KIF26B: variants seen among roughly 807,000 people sequenced by gnomAD.
The protein encoded by KIF26B is kinesin-like protein KIF26B.
A neutral mutation model predicts 151.2 loss-of-function variants in KIF26B; 63 were observed. That is an observed-to-expected ratio of 0.42 (90% CI 0.34 to 0.51). The LOEUF (loss-of-function observed/expected upper bound fraction) is 0.51, where lower values mean the gene tolerates loss of function less well. Ranked by LOEUF, KIF26B falls within the 20% of genes least tolerant of loss-of-function variation. KIF26B has a pLI of 0.07. For synonymous variants in KIF26B, 1,357 were observed against 1,262.1 expected, an observed-to-expected ratio of 1.08 and a Z score of -1.59; for missense variants, 2,813 against 2,913.6, an observed-to-expected ratio of 0.97 and a Z score of 0.79.
chr1:245,490,601 G>A (rs941502927), intron 4 of KIF26B, among the ~76,000 whole-genome samples: 6 of 152,182 alleles, frequency 3.9e-5, no homozygotes, highest in South Asian at 2.1e-4. Flanking sequence ...GTGAGCCACC[G>A]CACCTGGCCT....
rs1315822901 is a variant in KIF26B at position 245,646,017 on chromosome 1, T to G, written c.2099-104T>G. The G allele has an allele frequency of 5.6e-6, 7 of 1,242,318 alleles. No individual in the cohort carries two copies. The African/African-American group carries it at 1.0e-4, about 19-fold the overall frequency. The allele number at this position is 1,242,318 out of a possible 1,614,324, so 77.0% of individuals were successfully genotyped here. ...AGGTCATGAACGTCAACCTTTTACT[T>G]CCCCTTCTCATTTTGCCTCAGATTT... On this transcript the variant is annotated intron_variant, in intron 9 of 14. Coordinates refer to ENST00000407071, the MANE Select transcript of KIF26B (RefSeq NM_018012.4).
rs754378679 is a variant in KIF26B, at chr1:245,688,785, C to G, written c.5802C>G (p.Thr1934=). 15 of 1,588,744 alleles carry G rather than the reference C, an allele frequency of 9.4e-6. No homozygotes were observed. The highest frequency in any genetic ancestry group is 1.3e-5 in the Non-Finnish European group (15 of 1,164,922). ...GCGGCAGGTGCCGGAGCCTCAAGAC[C>G]CCGAAGAAACGCTCCAATCCAGGTA... ...SVGGRCRSLK[T]PKKRSNPGSQ... is the part of the protein sequence containing the mutation. The change falls in exon 12 of 15, where the codon ACC becomes ACG. Residue 1934 remains threonine (T), a synonymous_variant. Transcript: ENST00000407071.
chr1:245,433,647 G>T (rs1658834752), intron 4 of KIF26B, among the ~76,000 whole-genome samples: 1 of 152,160 alleles, frequency 6.6e-6, no homozygotes, highest in East Asian at 1.9e-4. Flanking sequence ...GTTAGACTCA[G>T]CAGTGCACCA....
chr1:245,177,787 G>C (rs1668836724), intron 2 of KIF26B, among the ~76,000 whole-genome samples: 1 of 152,074 alleles, frequency 6.6e-6, no homozygotes, highest in Non-Finnish European at 1.5e-5. Flanking sequence ...GAGACTAGGA[G>C]AAAAATGCTC....
intron 4 of KIF26B, among the ~76,000 whole-genome samples, chr1:245,458,207 C>A (rs550513758): frequency 6.6e-6 from 1 of 152,278 alleles, no homozygotes; most frequent in African/African-American, 2.4e-5. Context: ...CCCACTCAAA[C>A]CCCTCGGCAG....
At position 245,270,280 on chromosome 1, in the gene KIF26B, TCTTTC is replaced by T. The variant is rs1230013782; in HGVS notation, c.466-96550_466-96546del. Among the ~76,000 whole-genome samples the T allele has an allele frequency of 2.3e-4, 25 of 107,212 alleles. 1 individual carries two copies. Among genetic ancestry groups the T allele is most frequent in the Non-Finnish European group, 4.3e-4 (21 of 49,096 alleles). 70.3% of individuals were successfully genotyped at this position (107,212 alleles called of 152,430 possible). A position where few individuals can be genotyped will look rare whatever the true frequency, so the allele number is the denominator to read the frequency against. On this transcript the variant is annotated intron_variant, in intron 2 of 14. Transcript: ENST00000407071. ...CCTTCTTCCTTTCCCTTCCTTTCCTTCTTTCCTTCCCTTCCCTTCCATCTTCCCTT... is the reference window on the plus strand; with the variant it reads ...CCTTCTTCCTTTCCCTTCCTTTCCTTCTTCCCTTCCCTTCCATCTTCCCTT...
intron 5 of KIF26B, among the ~76,000 whole-genome samples, chr1:245,598,508 G>T (rs114314061): frequency 6.6e-6 from 1 of 152,286 alleles, no homozygotes; most frequent in South Asian, 2.1e-4. Flanking sequence ...GCTCCGTGAC[G>T]AGGGAAAAAC....
At chr1:245,595,942 A>G (rs2043332713) in intron 5 of KIF26B, among the ~76,000 whole-genome samples, 1 of 152,052 alleles carries the variant, frequency 6.6e-6, no homozygotes. Flanking sequence ...TTTGTAGTTT[A>G]TTTGCATAGA....
At chr1:245,272,456 A>C (rs1181270856) in intron 2 of KIF26B, among the ~76,000 whole-genome samples, 4 of 151,840 alleles carry the variant, frequency 2.6e-5, no homozygotes, top group African/African-American at 9.7e-5. Context: ...TTCTTTTAAA[A>C]AAATCAAGTC....
chr1:245,630,914 G>A (rs1220159975), intron 9 of KIF26B, among the ~76,000 whole-genome samples: 2 of 152,050 alleles, frequency 1.3e-5, no homozygotes, highest in African/African-American at 4.8e-5. Context: ...AGCTACAGTA[G>A]ATGGGGTAGC....
chr1:245,654,310 G>C (rs745575151), intron 10 of KIF26B, among the ~76,000 whole-genome samples: 6 of 149,922 alleles, frequency 4.0e-5, no homozygotes, highest in Non-Finnish European at 7.5e-5. Flanking sequence ...TAATGATGAG[G>C]GGTGGGGAGG....
At chr1:245,194,920 G>A (rs906625179) in intron 2 of KIF26B, among the ~76,000 whole-genome samples, 2 of 152,148 alleles carry the variant, frequency 1.3e-5, no homozygotes, top group Non-Finnish European at 2.9e-5. Context: ...GATTTTAACA[G>A]TTGTTTGCCC....
chr1:245,324,775 A>G lies in KIF26B; in HGVS notation c.466-42059A>G, dbSNP rs182681824. On this transcript the variant is annotated intron_variant, in intron 2 of 14. Transcript: ENST00000407071. ...GATATGGCAAGCTTGTTAACACGGC[A>G]GGACAACCCAAGATGCCATGTTCCT... 3.2e-3 allele frequency among the ~76,000 whole-genome samples: 491 copies of G among 152,224 alleles called. 6 individuals are homozygous for G. The highest frequency in any genetic ancestry group is 0.011 in the African/African-American group (462 of 41,522).
Position 245,254,650 on chromosome 1 carries a change from C to T in KIF26B, c.465+97967C>T, listed in dbSNP as rs75448054. Among the ~76,000 whole-genome samples, 636 of 152,214 alleles carry T rather than the reference C, an allele frequency of 4.2e-3. 5 individuals carry two copies. The highest frequency in any genetic ancestry group is 0.015 in the African/African-American group (613 of 41,518). ...GGGAAGAGTGACTGGGGAGGAAATA[C>T]GTCTTCCCCTTTTATTGATCTCAGT... On this transcript the variant is annotated intron_variant, in intron 2 of 14. Coordinates refer to ENST00000407071, the MANE Select transcript of KIF26B (RefSeq NM_018012.4).
At chr1:245,541,412 G>A (rs1396822261) in intron 5 of KIF26B, among the ~76,000 whole-genome samples, 3 of 152,218 alleles carry the variant, frequency 2.0e-5, no homozygotes, top group Non-Finnish European at 2.9e-5. Context: ...GAGGAACGCT[G>A]CAGTCTTGCC....
intron 2 of KIF26B, among the ~76,000 whole-genome samples, chr1:245,208,926 C>T (rs988274540): frequency 3.9e-5 from 6 of 152,292 alleles, no homozygotes; most frequent in African/African-American, 1.2e-4. Flanking sequence ...GTGTGGCCAT[C>T]GGCTCTGTGT....
chr1:245,476,789 G>A lies in KIF26B; in HGVS notation c.1166+57044G>A, dbSNP rs148284222. On this transcript the variant is annotated intron_variant, in intron 4 of 14. Coordinates refer to ENST00000407071, the MANE Select transcript of KIF26B (RefSeq NM_018012.4). ...GATCCGCCTGCCTTAGCCTCCCAAAGTGCTGGGATTACAGACGAGAGCCAC... is the reference window on the plus strand; with the variant it reads ...GATCCGCCTGCCTTAGCCTCCCAAAATGCTGGGATTACAGACGAGAGCCAC... 3.8e-3 allele frequency among the ~76,000 whole-genome samples: 581 copies of A among 151,804 alleles called. 8 individuals carry two copies. The highest frequency in any genetic ancestry group is 6.7e-3 in the Non-Finnish European group (455 of 67,810).
At chr1:245,394,684 C>CTTTT (rs1444711983) in intron 3 of KIF26B, among the ~76,000 whole-genome samples, 1,567 of 123,990 alleles carry the variant, frequency 0.013, 112 homozygotes, top group African/African-American at 0.052. Flanking sequence ...AAGTTTTTTT[C>CTTTT]TTTCTTTTTT....
At chr1:245,629,923 G>T (rs2043763008) in intron 9 of KIF26B, among the ~76,000 whole-genome samples, 1 of 151,558 alleles carries the variant, frequency 6.6e-6, no homozygotes, top group Admixed American at 6.6e-5. Flanking sequence ...AGTGGGCAAA[G>T]GATATGGAGA....
Sources: gnomAD v4.1 joint callset for allele counts (sites outside exome capture counted in the v4.1 genomes callset) on GRCh38, gnomAD v4.1.1 for gene constraint, MANE v1.5 for transcripts, NCBI Gene and HGNC (gene_info 2026-07-23, HGNC 2026-07-21) for gene names.